The following HIVEP3 variants were observed in gnomAD, a reference collection of about 807,000 sequenced individuals.
The protein encoded by HIVEP3 is transcription factor HIVEP3.
A neutral mutation model predicts 152.8 loss-of-function variants in HIVEP3; 49 were observed. The ratio of observed to expected loss-of-function variants is 0.32; its 90% CI spans 0.26 to 0.41. The LOEUF is 0.41. Among genes scored for constraint, HIVEP3 ranks in the 10% least tolerant of loss-of-function variants. HIVEP3 has a pLI of 1.00. For missense variants in HIVEP3, 2,790 were observed against 3,103.3 expected, an observed-to-expected ratio of 0.90 and a Z score of 2.40; for synonymous variants, 1,269 against 1,289.0, an observed-to-expected ratio of 0.98 and a Z score of 0.33.
intron 1 of HIVEP3, among the ~76,000 whole-genome samples, chr1:41,976,723 G>A (rs951992002): frequency 2.0e-5 from 3 of 152,106 alleles, no homozygotes; most frequent in African/African-American, 7.2e-5. Context: ...CAGTAGAGTG[G>A]GCCCCTAATC....
Position 41,689,197 on chromosome 1 carries a change from G to A in HIVEP3, c.-721+11719C>T, listed in dbSNP as rs559074951. On this transcript the variant is annotated intron_variant, in intron 2 of 8. Transcript: ENST00000372583. ...GTATTTGCAAATAAATGTTTTCCTG[G>A]TAGAGTGGTTCTCTCTCTACCCTTC... Among the ~76,000 whole-genome samples, 4 of 152,276 alleles carry A rather than the reference G, an allele frequency of 2.6e-5. No homozygotes were observed. The East Asian group carries it at 5.8e-4, about 22-fold the overall frequency.
rs1019864174 is a variant in HIVEP3, at chr1:41,553,843, T to C, written c.5207+21701A>G. Reference sequence around the variant, plus strand: ...TTGGCCCCCACTCTCTTCTGGCTTGTAGGGTTTCTGCCGAGAGATCCACTG... The same window carrying C: ...TTGGCCCCCACTCTCTTCTGGCTTGCAGGGTTTCTGCCGAGAGATCCACTG... On this transcript the variant is annotated intron_variant, in intron 5 of 8. Coordinates refer to ENST00000372583, the MANE Select transcript of HIVEP3 (RefSeq NM_024503.5). 6.6e-4 allele frequency among the ~76,000 whole-genome samples: 100 copies of C among 152,262 alleles called. 2 individuals are homozygous for C. Among genetic ancestry groups the C allele is most frequent in the Non-Finnish European group, 1.9e-4 (13 of 68,046 alleles).
chr1:41,535,345 C>T (rs539796420), intron 5 of HIVEP3: 8 of 152,358 alleles, frequency 5.3e-5, no homozygotes, highest in Admixed American at 3.9e-4. Flanking sequence ...GGGTGGGAAA[C>T]CGGAACACCA....
intron 5 of HIVEP3, chr1:41,543,842 T>G (rs1158079658): frequency 1.3e-5 from 2 of 152,232 alleles, no homozygotes; most frequent in Non-Finnish European, 1.5e-5. Context: ...CTTCGCCGTG[T>G]TGAAAGTTTT....
At chr1:41,760,509 T>C (rs1367224479) in intron 1 of HIVEP3, among the ~76,000 whole-genome samples, 1 of 152,240 alleles carries the variant, frequency 6.6e-6, no homozygotes, top group Non-Finnish European at 1.5e-5. Context: ...CTTACTTTGC[T>C]GAGTTTGACT....
intron 5 of HIVEP3, among the ~76,000 whole-genome samples, chr1:41,562,819 G>T (rs968129251): frequency 3.2e-4 from 48 of 152,112 alleles, no homozygotes; most frequent in African/African-American, 1.1e-3. Flanking sequence ...TACATCCCAG[G>T]ATCCCTCAAA....
chr1:41,839,393 C>T (rs561980493), intron 1 of HIVEP3, among the ~76,000 whole-genome samples: 1 of 152,286 alleles, frequency 6.6e-6, no homozygotes, highest in African/African-American at 2.4e-5. Context: ...GACCTGCAGT[C>T]CTAAGTTCTC....
chr1:41,861,597 C>T (rs1340189332), intron 1 of HIVEP3, among the ~76,000 whole-genome samples: 1 of 152,144 alleles, frequency 6.6e-6, no homozygotes, highest in African/African-American at 2.4e-5. Context: ...CTGTGAGCGC[C>T]GCATGAGACA....
chr1:41,516,288 C>A (rs1438809598), intron 7 of HIVEP3, among the ~76,000 whole-genome samples: 2 of 143,048 alleles, frequency 1.4e-5, no homozygotes, highest in Non-Finnish European at 3.1e-5. Context: ...TAGCGCCCAG[C>A]CTGGCCAGCA....
chr1:41,907,288 G>C (rs780118712), intron 1 of HIVEP3, among the ~76,000 whole-genome samples: 5 of 152,176 alleles, frequency 3.3e-5, no homozygotes, highest in African/African-American at 1.2e-4. Flanking sequence ...CAGGGGTAGG[G>C]GAGAGGGGCT....
intron 1 of HIVEP3, among the ~76,000 whole-genome samples, chr1:41,932,727 TTCTTTA>T (rs1645001832): frequency 6.6e-6 from 1 of 151,806 alleles, no homozygotes; most frequent in Non-Finnish European, 1.5e-5. Context: ...TAATTTGTTC[TTCTTTA>T]TCTAGTTTTT....
At chr1:42,003,552 A>G (rs1236762065) in intron 1 of HIVEP3, among the ~76,000 whole-genome samples, 1 of 152,232 alleles carries the variant, frequency 6.6e-6, no homozygotes, top group East Asian at 1.9e-4. Flanking sequence ...CAGTGGCGAC[A>G]GAAGACAAAC....
intron 6 of HIVEP3, among the ~76,000 whole-genome samples, chr1:41,522,642 G>C (rs1051901624): frequency 1.3e-5 from 2 of 152,234 alleles, no homozygotes; most frequent in Non-Finnish European, 2.9e-5. Flanking sequence ...GCTCTGTGCT[G>C]GCTCAGAGAG....
intron 1 of HIVEP3, among the ~76,000 whole-genome samples, chr1:41,833,126 G>C (rs958867994): frequency 1.3e-5 from 2 of 152,212 alleles, no homozygotes; most frequent in African/African-American, 4.8e-5. Context: ...GAGAAGCAAA[G>C]TCAAGGTCTT....
At position 41,953,305 on chromosome 1, in the gene HIVEP3, G is replaced by A. The variant is rs1645120992; in HGVS notation, n.120-34781C>T. Among the ~76,000 whole-genome samples, 4 of 152,272 alleles carry A rather than the reference G, an allele frequency of 2.6e-5. No individual in the cohort carries two copies. The South Asian group carries it at 8.3e-4, about 32-fold the overall frequency. ...CTGACTCTGGAGTCAGACTGCCTGG[G>A]TTCAAGTCAGATCTGTGGCCTGCTA... On this transcript the variant is annotated intron_variant and non_coding_transcript_variant, in intron 1 of 3. Transcript: ENST00000489103.
intron 1 of HIVEP3, among the ~76,000 whole-genome samples, chr1:41,811,711 G>A (rs574290385): frequency 5.9e-5 from 9 of 151,976 alleles, no homozygotes; most frequent in African/African-American, 9.7e-5. Flanking sequence ...GGGGAAAGGC[G>A]AAACGTCAGG....
intron 5 of HIVEP3, among the ~76,000 whole-genome samples, chr1:41,532,258 G>T (rs1476421168): frequency 7.1e-6 from 1 of 140,112 alleles, no homozygotes; most frequent in African/African-American, 2.7e-5. Context: ...CAGGAGAGAA[G>T]GGAGGACAGG....
upstream of HIVEP3, among the ~76,000 whole-genome samples, chr1:41,919,203 T>C (rs1208981087): frequency 6.6e-6 from 1 of 151,340 alleles, no homozygotes; most frequent in African/African-American, 2.5e-5. Flanking sequence ...CTGATGAGCT[T>C]CTCAGTACTA....
intron 1 of HIVEP3, among the ~76,000 whole-genome samples, chr1:41,801,129 A>G (rs1558281194): frequency 6.6e-6 from 1 of 152,246 alleles, no homozygotes; most frequent in Admixed American, 6.5e-5. Flanking sequence ...AGGGCCCAGA[A>G]AAGAAGAAGA....
Sources: allele counts gnomAD v4.1 joint callset (sites outside exome capture counted in the v4.1 genomes callset), GRCh38; gene constraint gnomAD v4.1.1; transcripts MANE v1.5; gene names NCBI Gene and HGNC (gene_info 2026-07-23, HGNC 2026-07-21).